The following LRMDA variants were observed in gnomAD, a reference collection of about 807,000 sequenced individuals.
LRMDA encodes leucine rich melanocyte differentiation associated.
Under a neutral mutation model 29.8 loss-of-function variants are expected in LRMDA, and 18 were observed. The observed-to-expected ratio is 0.60, with a 90% confidence interval of 0.42 to 0.90. The LOEUF is 0.90. Among genes scored for constraint, LRMDA ranks in the 40% least tolerant of loss-of-function variants. The pLI, the probability that LRMDA is intolerant of heterozygous loss-of-function variation, is 0.00. For synonymous variants in LRMDA, 125 were observed against 109.4 expected, an observed-to-expected ratio of 1.14 and a Z score of -0.89; for missense variants, 273 against 273.9, an observed-to-expected ratio of 1.00 and a Z score of 0.02.
intron 2 of LRMDA, among the ~76,000 whole-genome samples, chr10:75,471,809 C>G (rs977924174): frequency 6.6e-6 from 1 of 152,090 alleles, no homozygotes; most frequent in Non-Finnish European, 1.5e-5. Flanking sequence ...TCCCTCTTGT[C>G]CCCTAAAAGG....
intron 2 of LRMDA, among the ~76,000 whole-genome samples, chr10:75,610,330 C>T (rs1326190382): frequency 2.0e-5 from 3 of 151,866 alleles, no homozygotes; most frequent in Non-Finnish European, 4.4e-5. Flanking sequence ...ACACACACCA[C>T]ACCTCCCACA....
chr10:75,859,646 C>CAT lies in LRMDA; in HGVS notation c.132-176360_132-176359dup, dbSNP rs58488329. 1.5e-5 allele frequency among the ~76,000 whole-genome samples: 2 copies of CAT among 130,162 alleles called. 1 individual carries two copies. The highest frequency in any genetic ancestry group is 6.7e-5 in the African/African-American group (2 of 29,702). The allele number at this position is 130,162 out of a possible 152,430, so 85.4% of individuals were successfully genotyped here. ...ACACACACACACACACACACACACA[C>CAT]ATACATCTGGCCTCGATGCCTCATA... On this transcript the variant is annotated intron_variant, in intron 2 of 6. Transcript: ENST00000611255.
chr10:75,945,274 T>TA (rs1846457724), intron 2 of LRMDA, among the ~76,000 whole-genome samples: 1 of 152,242 alleles, frequency 6.6e-6, no homozygotes, highest in Admixed American at 6.5e-5. Context: ...TTCCAGTTGT[T>TA]ACTTTTCACT....
chr10:76,162,245 G>T (rs912975299), intron 5 of LRMDA, among the ~76,000 whole-genome samples: 2 of 152,142 alleles, frequency 1.3e-5, no homozygotes, highest in Admixed American at 1.3e-4. Context: ...AAGGTAGGTA[G>T]GTAGGTGGAG....
intron 5 of LRMDA, among the ~76,000 whole-genome samples, chr10:76,214,936 A>C (rs1851702845): frequency 6.6e-6 from 1 of 152,240 alleles, no homozygotes; most frequent in African/African-American, 2.4e-5. Context: ...TGCCTGGATT[A>C]AATGCAACCA....
At chr10:75,602,191 C>G (rs929811479) in intron 2 of LRMDA, among the ~76,000 whole-genome samples, 1 of 151,476 alleles carries the variant, frequency 6.6e-6, no homozygotes, top group Non-Finnish European at 1.5e-5. Flanking sequence ...AAAAAATAAC[C>G]CCCCCCAAAT....
At chr10:75,888,742 G>C (rs1845433197) in intron 2 of LRMDA, among the ~76,000 whole-genome samples, 1 of 152,092 alleles carries the variant, frequency 6.6e-6, no homozygotes, top group South Asian at 2.1e-4. Flanking sequence ...TACTTCAAAT[G>C]TACAAATAAC....
chr10:75,498,361 T>C (rs115940888), intron 2 of LRMDA, among the ~76,000 whole-genome samples: 1,768 of 152,340 alleles, frequency 0.012, 30 homozygotes, highest in African/African-American at 0.038. Context: ...ACTTGTGATA[T>C]TGTGGCTGCA....
At chr10:76,531,137 T>G (rs755735955) in intron 6 of LRMDA, among the ~76,000 whole-genome samples, 1 of 152,142 alleles carries the variant, frequency 6.6e-6, no homozygotes, top group Non-Finnish European at 1.5e-5. Flanking sequence ...CTGCTCAATG[T>G]GTCTTTAGCA....
chr10:75,862,285 G>A (rs879350166), intron 2 of LRMDA, among the ~76,000 whole-genome samples: 1 of 152,018 alleles, frequency 6.6e-6, no homozygotes, highest in Non-Finnish European at 1.5e-5. Context: ...TTGGACTTGG[G>A]TTCAGGCTAC....
intron 2 of LRMDA, among the ~76,000 whole-genome samples, chr10:75,816,157 C>A (rs977854834): frequency 1.3e-5 from 2 of 152,176 alleles, no homozygotes; most frequent in African/African-American, 4.8e-5. Flanking sequence ...TGGTTTCTTA[C>A]TTTTAGGTCT....
intron 2 of LRMDA, among the ~76,000 whole-genome samples, chr10:75,640,869 G>A (rs1841444854): frequency 6.6e-6 from 1 of 152,188 alleles, no homozygotes; most frequent in Non-Finnish European, 1.5e-5. Flanking sequence ...GTCTGAGTGG[G>A]GGATTCTCAG....
At chr10:76,332,024 T>G (rs933911339) in intron 6 of LRMDA, among the ~76,000 whole-genome samples, 1 of 152,222 alleles carries the variant, frequency 6.6e-6, no homozygotes, top group Non-Finnish European at 1.5e-5. Flanking sequence ...ATTCTAGACC[T>G]TGCTGAAATG....
At chr10:76,004,853 G>A (rs927835867) in intron 2 of LRMDA, among the ~76,000 whole-genome samples, 6 of 150,042 alleles carry the variant, frequency 4.0e-5, no homozygotes, top group Admixed American at 6.7e-5. Flanking sequence ...TCAGCCTCCC[G>A]AGTAGCTGGG....
At chr10:76,544,721 C>T (rs1245326060) in intron 6 of LRMDA, among the ~76,000 whole-genome samples, 1 of 48,576 alleles carries the variant, frequency 2.1e-5, no homozygotes, top group Admixed American at 2.4e-4. Context: ...CACACACACA[C>T]ACACACACAC....
intron 2 of LRMDA, among the ~76,000 whole-genome samples, chr10:75,672,161 C>T (rs1460723569): frequency 2.0e-5 from 3 of 152,118 alleles, no homozygotes; most frequent in African/African-American, 4.8e-5. Flanking sequence ...TGAGTGGGTT[C>T]TAACTTTGTT....
intron 2 of LRMDA, among the ~76,000 whole-genome samples, chr10:75,756,377 T>C (rs935271254): frequency 6.6e-6 from 1 of 152,188 alleles, no homozygotes; most frequent in Non-Finnish European, 1.5e-5. Flanking sequence ...AGCATTCATA[T>C]TGGGTCATGA....
At chr10:75,913,987 T>C (rs999534856) in intron 2 of LRMDA, among the ~76,000 whole-genome samples, 2 of 152,224 alleles carry the variant, frequency 1.3e-5, no homozygotes, top group Non-Finnish European at 2.9e-5. Context: ...CTTGAGCGTT[T>C]CCACTGTCAG....
chr10:75,509,252 A>G (rs1402213244), intron 2 of LRMDA, among the ~76,000 whole-genome samples: 2 of 152,034 alleles, frequency 1.3e-5, no homozygotes, highest in East Asian at 3.9e-4. Flanking sequence ...GTGGCTAGAG[A>G]GGTCGAATGG....
Sources: gnomAD v4.1 joint callset for allele counts (sites outside exome capture counted in the v4.1 genomes callset) on GRCh38, gnomAD v4.1.1 for gene constraint, MANE v1.5 for transcripts, NCBI Gene and HGNC (gene_info 2026-07-23, HGNC 2026-07-21) for gene names.